Variants in SGCZ observed in about 807,000 individuals in gnomAD.
SGCZ encodes sarcoglycan zeta.
In SGCZ, 40 loss-of-function variants were observed where a neutral mutation model predicts 41.3. That is an observed-to-expected ratio of 0.97 (90% confidence interval 0.75 to 1.26). The LOEUF (loss-of-function observed/expected upper bound fraction) is 1.26, where lower values mean the gene tolerates loss of function less well. SGCZ is among the 50% of genes most tolerant of loss of function. The pLI is 0.00. For synonymous variants in SGCZ, 206 were observed against 137.5 expected (o/e 1.50, Z -3.49); for missense variants, 552 against 369.8 (o/e 1.49, Z -4.04).
At chr8:14,910,526 C>A (rs938628094) in intron 1 of SGCZ, among the ~76,000 whole-genome samples, 3 of 151,528 alleles carry the variant, frequency 2.0e-5, no homozygotes, top group African/African-American at 7.3e-5. Flanking sequence ...AAAACATTCC[C>A]AAAATTCTGG....
At chr8:15,052,419 G>C (rs554801088) in intron 1 of SGCZ, among the ~76,000 whole-genome samples, 58 of 152,288 alleles carry the variant, frequency 3.8e-4, no homozygotes, top group Admixed American at 6.5e-4. Flanking sequence ...ACTGAGTCAT[G>C]CAAAGGTTAG....
At chr8:14,300,314 G>A (rs1801145648) in intron 3 of SGCZ, among the ~76,000 whole-genome samples, 1 of 151,236 alleles carries the variant, frequency 6.6e-6, no homozygotes, top group South Asian at 2.1e-4. Context: ...AAGGAGGAAG[G>A]AAAGAACAAA....
chr8:14,325,019 A>C (rs185727771), intron 2 of SGCZ, among the ~76,000 whole-genome samples: 3 of 152,130 alleles, frequency 2.0e-5, no homozygotes, highest in African/African-American at 7.2e-5. Context: ...TTGGGAGAGA[A>C]AGCAATGGAG....
At chr8:14,476,572 G>A (rs11988285) in intron 2 of SGCZ, among the ~76,000 whole-genome samples, 8,194 of 152,058 alleles carry the variant, frequency 0.054, 714 homozygotes, top group African/African-American at 0.18. Flanking sequence ...CTCTTGAGAG[G>A]ACATCTGCTT....
At chr8:14,796,361 A>G (rs1801129306) in intron 1 of SGCZ, among the ~76,000 whole-genome samples, 1 of 152,048 alleles carries the variant, frequency 6.6e-6, no homozygotes, top group Non-Finnish European at 1.5e-5. Context: ...TCAAGTGATC[A>G]TTCCACCTTG....
At chr8:14,551,524 A>ATAATATATATATTATATATAATATATATT (rs1563404476) in intron 2 of SGCZ, among the ~76,000 whole-genome samples, 1 of 9,926 alleles carries the variant, frequency 1.0e-4, no homozygotes, top group Non-Finnish European at 1.6e-4. Context: ...TATTATATAT[A>ATAATATATATATTATATATAATATATATT]ATATATATAA....
chr8:14,905,376 C>A (rs780915543), intron 1 of SGCZ, among the ~76,000 whole-genome samples: 3 of 151,928 alleles, frequency 2.0e-5, no homozygotes, highest in African/African-American at 7.2e-5. Flanking sequence ...AAGAAAACTA[C>A]GACATGACAT....
At chr8:15,056,489 A>G (rs1207845318) in intron 1 of SGCZ, among the ~76,000 whole-genome samples, 2 of 152,028 alleles carry the variant, frequency 1.3e-5, no homozygotes, top group African/African-American at 4.8e-5. Flanking sequence ...GAATAAATGG[A>G]TGAATACATG....
At chr8:15,145,660 T>C (rs1404814555) in intron 1 of SGCZ, among the ~76,000 whole-genome samples, 1 of 152,110 alleles carries the variant, frequency 6.6e-6, no homozygotes, top group East Asian at 1.9e-4. Flanking sequence ...TTACTATGTT[T>C]CCGAGGCTGG....
chr8:14,546,659 A>T (rs1192621627), intron 2 of SGCZ, among the ~76,000 whole-genome samples: 3 of 152,298 alleles, frequency 2.0e-5, no homozygotes. Flanking sequence ...GTTTGAGGGT[A>T]TTAAGATATC....
intron 3 of SGCZ, among the ~76,000 whole-genome samples, chr8:14,285,706 AG>A (rs1800597062): frequency 6.6e-6 from 1 of 152,094 alleles, no homozygotes; most frequent in South Asian, 2.1e-4. Flanking sequence ...TACAGAAACC[AG>A]GGGAAAGTGG....
chr8:14,372,373 C>A (rs1029909659), intron 2 of SGCZ, among the ~76,000 whole-genome samples: 2 of 152,096 alleles, frequency 1.3e-5, no homozygotes, highest in Admixed American at 6.6e-5. Context: ...TTTTGTTGAA[C>A]AAATTCTGAG....
intron 2 of SGCZ, among the ~76,000 whole-genome samples, chr8:14,446,442 A>T (rs964265839): frequency 4.6e-5 from 7 of 152,206 alleles, no homozygotes; most frequent in African/African-American, 1.7e-4. Context: ...CTTTGTTCCA[A>T]ATGACAATTC....
At chr8:14,346,179 T>C (rs62497815) in intron 2 of SGCZ, among the ~76,000 whole-genome samples, 30,420 of 152,058 alleles carry the variant, frequency 0.2, 3,812 homozygotes, top group Non-Finnish European at 0.29. Flanking sequence ...ACGTTACTAA[T>C]AGGAGAAACT....
chr8:14,136,310 G>C (rs181696300), intron 5 of SGCZ, among the ~76,000 whole-genome samples: 2 of 152,146 alleles, frequency 1.3e-5, no homozygotes, highest in Non-Finnish European at 2.9e-5. Flanking sequence ...TGGACAGTGG[G>C]TGCAGCCCAT....
At chr8:14,831,189 G>A (rs576307087) in intron 1 of SGCZ, among the ~76,000 whole-genome samples, 8 of 152,230 alleles carry the variant, frequency 5.3e-5, no homozygotes, top group African/African-American at 1.9e-4. Flanking sequence ...AAATGTTATA[G>A]AGTACACAGG....
chr8:15,041,297 G>A (rs915302395), intron 1 of SGCZ, among the ~76,000 whole-genome samples: 1 of 151,626 alleles, frequency 6.6e-6, no homozygotes, highest in East Asian at 1.9e-4. Context: ...GGGAACCCTT[G>A]TTTACATATT....
At chr8:14,955,616 T>G (rs546146973) in intron 1 of SGCZ, among the ~76,000 whole-genome samples, 1 of 152,348 alleles carries the variant, frequency 6.6e-6, no homozygotes, top group African/African-American at 2.4e-5. Flanking sequence ...TGGAATCAAA[T>G]TATGATTTCA....
intron 1 of SGCZ, among the ~76,000 whole-genome samples, chr8:15,011,613 A>T (rs1802829823): frequency 6.6e-6 from 1 of 152,166 alleles, no homozygotes; most frequent in Non-Finnish European, 1.5e-5. Context: ...TAACTCCCAG[A>T]CTATCTCAAT....
Sources: allele counts gnomAD v4.1 joint callset (sites outside exome capture counted in the v4.1 genomes callset), GRCh38; gene constraint gnomAD v4.1.1; transcripts MANE v1.5; gene names NCBI Gene and HGNC (gene_info 2026-07-23, HGNC 2026-07-21).